Variants in DCTD observed in about 807,000 individuals in gnomAD.
DCTD encodes the protein dCMP deaminase, also known as deoxycytidylate deaminase.
A neutral mutation model predicts 21.0 loss-of-function variants in DCTD; 23 were observed. That is an observed-to-expected ratio of 1.09 (90% CI 0.79 to 1.55). The LOEUF is 1.55. Among genes scored for constraint, DCTD ranks in the 40% most tolerant of loss-of-function variants. The pLI is 0.00. For synonymous variants in DCTD, 71 were observed against 81.1 expected, an observed-to-expected ratio of 0.88 and a Z score of 0.67; for missense variants, 224 against 230.0, an observed-to-expected ratio of 0.97 and a Z score of 0.17.
chr4:182,900,125 G>A (rs1579699255), intron 3 of DCTD, among the ~76,000 whole-genome samples: 2 of 152,230 alleles, frequency 1.3e-5, no homozygotes, highest in South Asian at 4.1e-4. Context: ...GAACAGCTTA[G>A]GCAACATAGT....
chr4:182,892,463 C>T (rs1177055690), intron 5 of DCTD, among the ~76,000 whole-genome samples: 1 of 152,012 alleles, frequency 6.6e-6, no homozygotes, highest in African/African-American at 2.4e-5. Context: ...GTCATCCTGG[C>T]CAACATGGTG....
intron 3 of DCTD, among the ~76,000 whole-genome samples, chr4:182,906,096 G>A (rs963867937): frequency 3.3e-5 from 5 of 151,754 alleles, no homozygotes; most frequent in East Asian, 1.9e-4. Context: ...CTGGCGAGTC[G>A]CTGTTTCCAC....
At chr4:182,914,828 G>T (rs1738403109) in intron 3 of DCTD, 95 bp downstream of exon 3, 1 of 1,409,874 alleles carries the variant, frequency 7.1e-7, no homozygotes, top group Non-Finnish European at 9.9e-7. Context: ...AGTTGTTGAT[G>T]ACAAAAGGGA....
At position 182,914,891 on chromosome 4, in the gene DCTD, C is replaced by G. The variant is rs777210309; in HGVS notation, c.244+32G>C. On this transcript the variant is annotated intron_variant, in intron 3 of 5. Coordinates refer to ENST00000438320, the MANE Select transcript of DCTD (RefSeq NM_001921.3). Reference sequence around the variant, plus strand: ...ATTAGGCACTCACCAGGCTATGTCACTAAGCAGAATGGGACATAAAACTTG... The same window carrying G: ...ATTAGGCACTCACCAGGCTATGTCAGTAAGCAGAATGGGACATAAAACTTG... The G allele has an allele frequency of 2.6e-5, 42 of 1,613,680 alleles. No homozygotes were observed. In the South Asian group the frequency reaches 4.3e-4, roughly 16 times the overall value.
chr4:182,916,001 C>A, intron 1 of DCTD: 4 of 471,590 alleles, frequency 8.5e-6, no homozygotes, highest in Non-Finnish European at 8.6e-6. Flanking sequence ...TCAAGCCTTA[C>A]TCCTAGCTAA....
intron 3 of DCTD, among the ~76,000 whole-genome samples, chr4:182,904,003 G>T (rs142453261): frequency 6.6e-6 from 1 of 152,278 alleles, no homozygotes; most frequent in East Asian, 1.9e-4. Flanking sequence ...GTGCCCACCT[G>T]AGACCAGGCT....
intron 3 of DCTD, among the ~76,000 whole-genome samples, chr4:182,903,500 C>T (rs1736117437): frequency 6.6e-6 from 1 of 152,190 alleles, no homozygotes; most frequent in South Asian, 2.1e-4. Context: ...AAACCCGCCG[C>T]ATGCGTGGAA....
chr4:182,903,615 G>C (rs536365541), intron 3 of DCTD, among the ~76,000 whole-genome samples: 13 of 152,082 alleles, frequency 8.5e-5, no homozygotes, highest in African/African-American at 2.9e-4. Flanking sequence ...GGGAGAAAGT[G>C]GTGGGTCACT....
At chr4:182,895,355 G>T (rs930864610) in intron 3 of DCTD, among the ~76,000 whole-genome samples, 16 of 152,302 alleles carry the variant, frequency 1.1e-4, no homozygotes, top group Admixed American at 1.0e-3. Flanking sequence ...ACAGGTGTGG[G>T]CCACCATGCC....
chr4:182,911,765 C>T (rs1444816061), intron 3 of DCTD, among the ~76,000 whole-genome samples: 1 of 152,184 alleles, frequency 6.6e-6, no homozygotes, highest in African/African-American at 2.4e-5. Context: ...CCAGGACATA[C>T]ATAAACTTTT....
intron 4 of DCTD, 83 bp downstream of exon 4, chr4:182,894,406 T>C: frequency 1.2e-6 from 1 of 807,320 alleles, no homozygotes; most frequent in Admixed American, 2.0e-5. Context: ...ACAATAGCAA[T>C]TTAAGATCAA....
chr4:182,909,758 T>C (rs1041078006), intron 3 of DCTD, among the ~76,000 whole-genome samples: 4 of 152,214 alleles, frequency 2.6e-5, no homozygotes, highest in African/African-American at 7.2e-5. Flanking sequence ...ATATATCACG[T>C]GCATGGCAGT....
At chr4:182,893,395 C>T (rs1734166480) in intron 4 of DCTD, among the ~76,000 whole-genome samples, 1 of 152,256 alleles carries the variant, frequency 6.6e-6, no homozygotes. Flanking sequence ...AGCCTTGATC[C>T]GATTAACCAA....
At chr4:182,896,399 TAGG>T (rs1734736860) in intron 3 of DCTD, among the ~76,000 whole-genome samples, 1 of 152,242 alleles carries the variant, frequency 6.6e-6, no homozygotes. Flanking sequence ...TTCCATGTTT[TAGG>T]AGATCTCAGT....
chr4:182,896,261 G>A (rs1336549006), intron 3 of DCTD, among the ~76,000 whole-genome samples: 2 of 152,214 alleles, frequency 1.3e-5, no homozygotes, highest in South Asian at 2.1e-4. Flanking sequence ...CCACCCTCTC[G>A]TGTTCGGGTG....
At chr4:182,911,979 CGAGATA>C (rs1054284015) in intron 3 of DCTD, among the ~76,000 whole-genome samples, 4 of 152,034 alleles carry the variant, frequency 2.6e-5, no homozygotes, top group African/African-American at 4.8e-5. Context: ...GTCCAGAACT[CGAGATA>C]ATCTCTAAAG....
rs139519234 is a variant in DCTD, at chr4:182,893,745, G to A, written c.362-618C>T. Among the ~76,000 whole-genome samples the A allele has an allele frequency of 6.3e-3, 958 of 152,376 alleles. 14 individuals are homozygous for A. Among genetic ancestry groups the A allele is most frequent in the African/African-American group, 0.019 (798 of 41,596 alleles). The stretch of plus-strand genomic sequence containing the variant: ...GCCACCGCCTCCACACCTGGGCACC[G>A]CGAGGAGAGCTTCCCAGGAACGGTG... On this transcript the variant is annotated intron_variant, in intron 4 of 5. Transcript: ENST00000438320.
chr4:182,900,317 GA>G (rs139141198), intron 3 of DCTD, among the ~76,000 whole-genome samples: 77 of 143,356 alleles, frequency 5.4e-4, no homozygotes, highest in African/African-American at 6.9e-4. Context: ...CCCCATCTCA[GA>G]AAAAAAAAAA....
chr4:182,901,957 G>A (rs1029717795), intron 3 of DCTD, among the ~76,000 whole-genome samples: 4 of 152,096 alleles, frequency 2.6e-5, no homozygotes, highest in East Asian at 1.9e-4. Context: ...CCCCTGCCCC[G>A]GCCCCCACTG....
Sources: gnomAD v4.1 joint callset for allele counts (sites outside exome capture counted in the v4.1 genomes callset) on GRCh38, gnomAD v4.1.1 for gene constraint, MANE v1.5 for transcripts, NCBI Gene and HGNC (gene_info 2026-07-23, HGNC 2026-07-21) for gene names.